IGSF11: variants seen among roughly 807,000 people sequenced by gnomAD.
IGSF11 encodes the protein immunoglobulin superfamily member 11.
A neutral mutation model predicts 41.0 loss-of-function variants in IGSF11; 22 were observed. That is an observed-to-expected ratio of 0.54 (90% CI 0.38 to 0.77). IGSF11 has a LOEUF of 0.77. Among genes scored for constraint, IGSF11 ranks in the 30% least tolerant of loss-of-function variants. The pLI is 0.00. For synonymous variants in IGSF11, 219 were observed against 201.3 expected (o/e 1.09, Z -0.74); for missense variants, 444 against 530.8 (o/e 0.84, Z 1.61).
At chr3:119,106,715 C>G (rs2077033973), upstream of IGSF11, among the ~76,000 whole-genome samples, 1 of 152,128 alleles carries the variant, frequency 6.6e-6, no homozygotes. Flanking sequence ...TCAGGTATAT[C>G]TCCTAATGCT....
At chr3:119,130,202 T>C (rs1327422752) in intron 1 of IGSF11, among the ~76,000 whole-genome samples, 1 of 152,080 alleles carries the variant, frequency 6.6e-6, no homozygotes, top group African/African-American at 2.4e-5. Flanking sequence ...TCACTGGGAC[T>C]GGTTGGAGAA....
At chr3:119,032,070 CAAT>C (rs1484169219) in intron 1 of IGSF11, among the ~76,000 whole-genome samples, 2 of 152,088 alleles carry the variant, frequency 1.3e-5, no homozygotes, top group African/African-American at 4.8e-5. Context: ...AACAAAATAA[CAAT>C]AAGAAAACAG....
intron 4 of IGSF11, among the ~76,000 whole-genome samples, chr3:118,911,394 G>A (rs1940275108): frequency 6.6e-6 from 1 of 152,190 alleles, no homozygotes; most frequent in African/African-American, 2.4e-5. Context: ...CACTCTTACT[G>A]GGAGGGGAAA....
At chr3:118,959,473 G>A (rs1203022790) in intron 1 of IGSF11, among the ~76,000 whole-genome samples, 1 of 152,100 alleles carries the variant, frequency 6.6e-6, no homozygotes, top group Non-Finnish European at 1.5e-5. Flanking sequence ...TTATGTCAAG[G>A]GTTATTCATG....
chr3:118,985,951 T>C (rs1935210413), intron 1 of IGSF11, among the ~76,000 whole-genome samples: 1 of 152,160 alleles, frequency 6.6e-6, no homozygotes, highest in South Asian at 2.1e-4. Flanking sequence ...TTATAGGATA[T>C]AAGTCAAGTT....
intron 1 of IGSF11, among the ~76,000 whole-genome samples, chr3:118,934,384 C>A (rs1015353208): frequency 1.3e-5 from 2 of 152,098 alleles, no homozygotes; most frequent in East Asian, 3.9e-4. Context: ...GTTTTCCTCC[C>A]AACTCTCTGG....
intron 1 of IGSF11, among the ~76,000 whole-genome samples, chr3:119,094,752 A>G (rs2076822387): frequency 6.6e-6 from 1 of 151,064 alleles, no homozygotes. Context: ...GTTCACTGCA[A>G]CCTCCGCCTC....
chr3:119,063,281 A>G (rs1206640105), intron 1 of IGSF11, among the ~76,000 whole-genome samples: 1 of 152,224 alleles, frequency 6.6e-6, no homozygotes, highest in Non-Finnish European at 1.5e-5. Context: ...GCTGGAAAGA[A>G]TTCCCCGAAG....
intron 4 of IGSF11, among the ~76,000 whole-genome samples, chr3:118,921,103 T>C (rs1472220410): frequency 6.6e-6 from 1 of 152,196 alleles, no homozygotes; most frequent in East Asian, 1.9e-4. Context: ...TTACTCAAAA[T>C]TGCTGCTCCT....
At chr3:118,951,962 C>T (rs1944603990) in intron 1 of IGSF11, among the ~76,000 whole-genome samples, 1 of 151,974 alleles carries the variant, frequency 6.6e-6, no homozygotes, top group African/African-American at 2.4e-5. Flanking sequence ...TGTATACATA[C>T]AGACATACCT....
At chr3:119,132,960 A>C (rs1392659962) in intron 1 of IGSF11, among the ~76,000 whole-genome samples, 2 of 152,244 alleles carry the variant, frequency 1.3e-5, no homozygotes, top group African/African-American at 4.8e-5. Flanking sequence ...CTTCTCCTGA[A>C]TGGCTACTGG....
intron 1 of IGSF11, among the ~76,000 whole-genome samples, chr3:118,951,866 T>G (rs1000360548): frequency 6.6e-6 from 1 of 152,146 alleles, no homozygotes; most frequent in Admixed American, 6.5e-5. Context: ...TATCATTGTG[T>G]TTTTTTAAAA....
intron 1 of IGSF11, among the ~76,000 whole-genome samples, chr3:119,014,610 T>C (rs1414280781): frequency 1.3e-5 from 2 of 152,244 alleles, no homozygotes; most frequent in Non-Finnish European, 2.9e-5. Context: ...ATTTCACTCA[T>C]GTTATTGGAA....
intron 1 of IGSF11, among the ~76,000 whole-genome samples, chr3:119,009,372 C>T (rs980183470): frequency 6.6e-6 from 1 of 152,090 alleles, no homozygotes; most frequent in Non-Finnish European, 1.5e-5. Flanking sequence ...GAATTGTAAT[C>T]CCCACGTGTC....
upstream of IGSF11, among the ~76,000 whole-genome samples, chr3:119,108,969 T>C (rs1406310705): frequency 3.1e-5 from 4 of 127,058 alleles, no homozygotes; most frequent in Admixed American, 9.2e-5. Flanking sequence ...AGCTTTTTGA[T>C]GTGCTGCTGG....
intron 1 of IGSF11, among the ~76,000 whole-genome samples, chr3:119,121,517 T>C (rs1405634163): frequency 6.6e-6 from 1 of 151,860 alleles, no homozygotes; most frequent in African/African-American, 2.4e-5. Flanking sequence ...TCATTCAGTC[T>C]GAGGAGAAGA....
intron 1 of IGSF11, among the ~76,000 whole-genome samples, chr3:119,057,487 G>T (rs1335668103): frequency 6.6e-6 from 1 of 152,162 alleles, no homozygotes; most frequent in African/African-American, 2.4e-5. Context: ...ACAAACAAAT[G>T]GAAGAACATT....
intron 1 of IGSF11, among the ~76,000 whole-genome samples, chr3:119,103,191 G>C (rs965277220): frequency 1.3e-5 from 2 of 152,024 alleles, no homozygotes; most frequent in African/African-American, 4.8e-5. Flanking sequence ...TAGAGACAGG[G>C]TTTCACCGTG....
intron 1 of IGSF11, among the ~76,000 whole-genome samples, chr3:118,967,073 T>C (rs1945734821): frequency 6.6e-6 from 1 of 152,150 alleles, no homozygotes; most frequent in African/African-American, 2.4e-5. Context: ...CTAATTTAAA[T>C]ATATTGTTAT....
Sources: gnomAD v4.1 joint callset for allele counts (sites outside exome capture counted in the v4.1 genomes callset) on GRCh38, gnomAD v4.1.1 for gene constraint, MANE v1.5 for transcripts, NCBI Gene and HGNC (gene_info 2026-07-23, HGNC 2026-07-21) for gene names.